Variants in AOX1 observed in about 807,000 individuals in gnomAD.
AOX1 encodes the protein aldehyde oxidase.
AOX1 carries 153 observed loss-of-function variants against 169.5 expected under a neutral mutation model. The ratio of observed to expected loss-of-function variants is 0.90; its 90% CI spans 0.79 to 1.03. The LOEUF (loss-of-function observed/expected upper bound fraction) is 1.03. Among genes scored for constraint, AOX1 ranks in the 50% least tolerant of loss-of-function variants. The pLI is 0.00. For synonymous variants in AOX1, 562 were observed against 581.9 expected (o/e 0.97, Z 0.49); for missense variants, 1,656 against 1,663.9 (o/e 1.00, Z 0.08).
downstream of AOX1, among the ~76,000 whole-genome samples, chr2:200,672,386 C>G (rs1020527816): frequency 1.3e-5 from 2 of 152,206 alleles, no homozygotes; most frequent in Admixed American, 1.3e-4. Flanking sequence ...CAATCAATGG[C>G]TTTCCAAAAA....
At position 200,602,299 on chromosome 2, in the gene AOX1, G is replaced by C. The variant is rs1387995155; in HGVS notation, c.452G>C (p.Cys151Ser). The change falls in exon 6 of 35, where the codon TGC becomes TCC. Residue 151 changes from cysteine (C) to serine (S), a missense_variant. By Grantham distance (112) the Cys-to-Ser change is moderately radical (BLOSUM62 -1). Coordinates refer to ENST00000374700, the MANE Select transcript of AOX1 (RefSeq NM_001159.4). ...TDALGGNLCR[C>S]TGYRPIIDAC... The stretch of plus-strand genomic sequence containing the variant: ...TCTCCTTCAGGTAACCTGTGCCGTT[G>C]CACTGGATACAGGCCCATAATTGAT... The C allele has an allele frequency of 1.2e-6, 2 of 1,613,858 alleles. No individual in the cohort carries two copies. Among genetic ancestry groups the C allele is most frequent in the African/African-American group, 2.7e-5 (2 of 75,006 alleles).
intron 34 of AOX1, 105 bp downstream of exon 34, chr2:200,669,847 C>A: frequency 8.0e-7 from 1 of 1,248,398 alleles, no homozygotes; most frequent in Admixed American, 2.2e-5. Flanking sequence ...GCTTTTCTTG[C>A]CAGAAAAGGT....
intron 16 of AOX1, among the ~76,000 whole-genome samples, chr2:200,617,158 G>A (rs1272350854): frequency 6.6e-6 from 1 of 152,188 alleles, no homozygotes; most frequent in Non-Finnish European, 1.5e-5. Flanking sequence ...GCATGATCTT[G>A]AATGAGAGTT....
chr2:200,657,165 A>AAAAAAAAAAT (rs1179205121), intron 27 of AOX1, among the ~76,000 whole-genome samples: 3 of 88,408 alleles, frequency 3.4e-5, no homozygotes, highest in Non-Finnish European at 2.0e-5. Flanking sequence ...CTCTACCAAA[A>AAAAAAAAAAT]ATATATATAT....
chr2:200,621,783 C>G (rs894114209), intron 18 of AOX1, among the ~76,000 whole-genome samples: 2 of 150,394 alleles, frequency 1.3e-5, no homozygotes, highest in Non-Finnish European at 1.5e-5. Context: ...AATGGAGTTT[C>G]TGTTTGTCAC....
At chr2:200,671,816 A>G (rs572475623), downstream of AOX1, among the ~76,000 whole-genome samples, 11 of 152,360 alleles carry the variant, frequency 7.2e-5, no homozygotes, top group African/African-American at 2.6e-4. Flanking sequence ...TCTTAGGTAT[A>G]TACCCAAGAG....
In AOX1 at chr2:200,623,964, C is replaced by T. The variant is rs769287932; in HGVS notation, c.2105C>T (p.Pro702Leu). The T allele has an allele frequency of 1.3e-5, 21 of 1,613,940 alleles. No individual in the cohort carries two copies. The highest frequency in any genetic ancestry group is 5.3e-5 in the African/African-American group (4 of 74,898). Residue 702 changes from proline to leucine, a missense_variant, in exon 19 of 35, where the codon CCG becomes CTG. Coordinates refer to ENST00000374700, the MANE Select transcript of AOX1 (RefSeq NM_001159.4). ...RVKIVYQDLE[P>L]LILTIEESIQ... The stretch of plus-strand genomic sequence containing the variant: ...AAGATTGTCTATCAAGACTTGGAGC[C>T]GCTGATACTAACAATTGAGGTAATG...
chr2:200,597,661 T>C (rs566005292), intron 4 of AOX1, among the ~76,000 whole-genome samples, 156 bp downstream of exon 4: 24 of 152,322 alleles, frequency 1.6e-4, no homozygotes, highest in African/African-American at 5.3e-4. Context: ...GCCTGGCATA[T>C]TGGGATATGT....
intron 13 of AOX1, 129 bp from the exon 14 acceptor site, chr2:200,612,480 C>G (rs2034659243): frequency 3.6e-6 from 3 of 822,840 alleles, no homozygotes; most frequent in East Asian, 2.5e-5. Flanking sequence ...CACACACTAC[C>G]TGGTGTGTAG....
At chr2:200,626,725 C>T (rs1368446335) in intron 19 of AOX1, among the ~76,000 whole-genome samples, 1 of 152,194 alleles carries the variant, frequency 6.6e-6, no homozygotes, top group East Asian at 1.9e-4. Context: ...ATGCTCATCC[C>T]CACAAAGAAG....
intron 5 of AOX1, among the ~76,000 whole-genome samples, chr2:200,602,039 T>C (rs1219755057): frequency 6.6e-6 from 1 of 151,908 alleles, no homozygotes; most frequent in African/African-American, 2.4e-5. Context: ...TGAGCACCTG[T>C]CACAAGCAGA....
chr2:200,622,804 A>C (rs2034913453), intron 18 of AOX1, among the ~76,000 whole-genome samples: 2 of 152,172 alleles, frequency 1.3e-5, no homozygotes, highest in South Asian at 4.1e-4. Context: ...GCTTTTTAAA[A>C]CATTCATTTA....
At chr2:200,599,370 C>T (rs897215621) in intron 4 of AOX1, among the ~76,000 whole-genome samples, 1 of 152,182 alleles carries the variant, frequency 6.6e-6, no homozygotes, top group Non-Finnish European at 1.5e-5. Flanking sequence ...AATCTTAACA[C>T]TGTCCGGGTG....
At chr2:200,610,432 T>A (rs138320051) in intron 12 of AOX1, among the ~76,000 whole-genome samples, 170 of 152,324 alleles carry the variant, frequency 1.1e-3, no homozygotes, top group Middle Eastern at 0.01. Context: ...TAACATCCCC[T>A]AAAAGTCATA....
At position 200,627,388 on chromosome 2, in the gene AOX1, A is replaced by G; in HGVS notation, c.2160A>G (p.Glu720=). The G allele has an allele frequency of 1.2e-6, 2 of 1,613,918 alleles. No homozygotes were observed. The highest frequency in any genetic ancestry group is 1.1e-5 in the South Asian group (1 of 91,066). The change falls in exon 20 of 35, where the codon GAA becomes GAG. Residue 720 remains glutamate (E), a synonymous_variant. Transcript: ENST00000374700. ...SIQHNSSFKP[E]RKLEYGNVDE... ...AACACAACTCCTCCTTCAAGCCAGA[A>G]AGGAAACTGGAATATGGAAATGTTG...
chr2:200,630,028 G>A (rs1269842578), intron 20 of AOX1, among the ~76,000 whole-genome samples: 3 of 151,868 alleles, frequency 2.0e-5, no homozygotes, highest in South Asian at 4.2e-4. Flanking sequence ...GACATTTGAG[G>A]CCAGGAGTTT....
rs1240288725 is a variant in AOX1 at position 200,623,916 on chromosome 2, C to A, written c.2057C>A (p.Ala686Glu). 1.2e-6 allele frequency: 2 copies of A among 1,613,998 alleles called. No individual in the cohort carries two copies. The highest frequency in any genetic ancestry group is 1.7e-5 in the Admixed American group (1 of 60,002). The change falls in exon 19 of 35, where the codon GCA becomes GAA. Residue 686 changes from alanine (A) to glutamate (E), a missense_variant. Coordinates refer to ENST00000374700, the MANE Select transcript of AOX1 (RefSeq NM_001159.4). ...CAVLADSEVQ[A>E]KRAAKRVKIV... The stretch of plus-strand genomic sequence containing the variant: ...GTGCTTGCCGATTCTGAGGTTCAGG[C>A]AAAGCGAGCTGCTAAGCGAGTGAAG...
intron 20 of AOX1, among the ~76,000 whole-genome samples, chr2:200,631,483 C>T (rs2035125193): frequency 6.6e-6 from 1 of 152,178 alleles, no homozygotes. Context: ...ACATTCACAT[C>T]TTAGCAGATT....
downstream of AOX1, chr2:200,678,463 A>G (rs2036127472): frequency 6.6e-6 from 1 of 152,252 alleles, no homozygotes; most frequent in Admixed American, 6.5e-5. Context: ...TCCTGCCAAA[A>G]GAAAGTCAAA....
Sources: gnomAD v4.1 joint callset for allele counts (sites outside exome capture counted in the v4.1 genomes callset) on GRCh38, gnomAD v4.1.1 for gene constraint, MANE v1.5 for transcripts, NCBI Gene and HGNC (gene_info 2026-07-23, HGNC 2026-07-21) for gene names.